The following ATP8B4 variants were observed in gnomAD, a reference collection of about 807,000 sequenced individuals.
ATP8B4 encodes probable phospholipid-transporting ATPase IM.
In ATP8B4, 133 loss-of-function variants were observed where a neutral mutation model predicts 145.6. The ratio of observed to expected loss-of-function variants is 0.91; its 90% CI spans 0.79 to 1.05. The LOEUF (loss-of-function observed/expected upper bound fraction) is 1.05, where lower values mean the gene tolerates loss of function less well. Ranked by LOEUF, ATP8B4 falls within the 50% of genes least tolerant of loss-of-function variation. The pLI, the probability that ATP8B4 is intolerant of heterozygous loss-of-function variation, is 0.00. For missense variants in ATP8B4, 1,458 were observed against 1,425.2 expected (o/e 1.02, Z -0.37); for synonymous variants, 507 against 492.9 (o/e 1.03, Z -0.38).
rs186976377 is a variant in ATP8B4, at chr15:50,105,742, C to T, written c.28+1197G>A. On this transcript the variant is annotated intron_variant, in intron 2 of 27. Coordinates refer to ENST00000284509, the MANE Select transcript of ATP8B4 (RefSeq NM_024837.4). ...TATTTCCAAAAATTTCCTACTTTTA[C>T]ATATATGCATTAATATATACATATA... Among the ~76,000 whole-genome samples the T allele has an allele frequency of 7.2e-5, 11 of 152,254 alleles. No homozygotes were observed. The East Asian group carries it at 1.9e-3, about 27-fold the overall frequency.
chr15:50,158,454 C>T (rs375212406), intron 1 of ATP8B4, among the ~76,000 whole-genome samples: 2 of 151,300 alleles, frequency 1.3e-5, no homozygotes, highest in Non-Finnish European at 3.0e-5. Context: ...CAGACCCCGC[C>T]CGGCCAGCCG....
chr15:50,158,498 G>A lies in ATP8B4; in HGVS notation c.-43+23763C>T, dbSNP rs1178704371. 7.4e-5 allele frequency among the ~76,000 whole-genome samples: 11 copies of A among 148,760 alleles called. No individual in the cohort carries two copies. The East Asian group carries it at 1.2e-3, about 17-fold the overall frequency. The stretch of plus-strand genomic sequence containing the variant: ...GGGAGGGAGGTGGGGGGGCGCCTCC[G>A]CCCGGCCAGCCGCCCAGTCCGGGAG... On this transcript the variant is annotated intron_variant, in intron 1 of 3. Coordinates refer to the ATP8B4 transcript ENST00000558829.
intron 3 of ATP8B4, among the ~76,000 whole-genome samples, chr15:50,055,966 C>A (rs1167324097): frequency 1.3e-5 from 2 of 152,116 alleles, no homozygotes; most frequent in African/African-American, 4.8e-5. Flanking sequence ...TTGCCTGGTG[C>A]AGAGTCCACA....
intron 13 of ATP8B4, among the ~76,000 whole-genome samples, chr15:49,972,218 C>T (rs1419093049): frequency 6.6e-6 from 1 of 152,010 alleles, no homozygotes; most frequent in Non-Finnish European, 1.5e-5. Flanking sequence ...ACATGTATAC[C>T]TATGTAACAA....
intron 26 of ATP8B4, among the ~76,000 whole-genome samples, chr15:49,865,641 C>G (rs1209299303): frequency 6.6e-6 from 1 of 152,210 alleles, no homozygotes; most frequent in African/African-American, 2.4e-5. Flanking sequence ...GCAGAAACAC[C>G]TCATTGGTTG....
chr15:49,970,352 T>A (rs1355395731), intron 13 of ATP8B4, among the ~76,000 whole-genome samples: 1 of 152,208 alleles, frequency 6.6e-6, no homozygotes, highest in African/African-American at 2.4e-5. Flanking sequence ...GCAGATGACA[T>A]GATTGCATAT....
chr15:49,940,670 C>T (rs1320628879), intron 14 of ATP8B4, among the ~76,000 whole-genome samples: 8 of 151,946 alleles, frequency 5.3e-5, no homozygotes, highest in East Asian at 1.9e-4. Flanking sequence ...TTCATGTGGC[C>T]GAAAATGAAT....
At chr15:50,177,765 A>G (rs1290546246) in intron 1 of ATP8B4, among the ~76,000 whole-genome samples, 1 of 152,230 alleles carries the variant, frequency 6.6e-6, no homozygotes, top group Non-Finnish European at 1.5e-5. Flanking sequence ...AGAGATGTGA[A>G]TTCTTTGAAT....
intron 6 of ATP8B4, among the ~76,000 whole-genome samples, chr15:50,023,499 T>G (rs1477461400): frequency 6.6e-6 from 1 of 152,216 alleles, no homozygotes; most frequent in African/African-American, 2.4e-5. Context: ...TTTAGGCATC[T>G]ATTACTCTAA....
chr15:50,093,984 A>G (rs954575556), intron 2 of ATP8B4, among the ~76,000 whole-genome samples: 2 of 152,182 alleles, frequency 1.3e-5, no homozygotes, highest in Non-Finnish European at 2.9e-5. Context: ...CAAAATATGT[A>G]AAGAAAAACC....
intron 1 of ATP8B4, among the ~76,000 whole-genome samples, chr15:50,151,026 G>T (rs1056130153): frequency 1.3e-5 from 2 of 152,150 alleles, no homozygotes; most frequent in African/African-American, 4.8e-5. Flanking sequence ...TCTGTCTGTG[G>T]CATCAGGTGG....
At chr15:50,178,695 T>C (rs1047827765) in intron 1 of ATP8B4, among the ~76,000 whole-genome samples, 2 of 152,182 alleles carry the variant, frequency 1.3e-5, no homozygotes, top group Non-Finnish European at 2.9e-5. Context: ...TGGTGTAACA[T>C]TGTCTTCGTC....
Position 50,114,824 on chromosome 15 carries a change from A to AT in ATP8B4, c.-43+4298dup, listed in dbSNP as rs546055952. On this transcript the variant is annotated intron_variant, in intron 1 of 27. Coordinates refer to ENST00000284509, the MANE Select transcript of ATP8B4 (RefSeq NM_024837.4). The stretch of plus-strand genomic sequence containing the variant: ...ATTATTTTTATTTTTCTTAAAATGT[A>AT]TTTTTTTAACTCTCCACATGGAAAA... Among the ~76,000 whole-genome samples the AT allele has an allele frequency of 3.3e-4, 51 of 152,320 alleles. No homozygotes were observed. The East Asian group carries it at 8.3e-3, about 25-fold the overall frequency.
intron 7 of ATP8B4, among the ~76,000 whole-genome samples, chr15:50,005,597 A>T (rs1398041493): frequency 6.6e-6 from 1 of 152,134 alleles, no homozygotes; most frequent in Non-Finnish European, 1.5e-5. Flanking sequence ...TGTAAAGCCC[A>T]TGGCCCTTCC....
intron 3 of ATP8B4, among the ~76,000 whole-genome samples, chr15:50,048,429 C>T (rs1471932698): frequency 6.6e-6 from 1 of 151,336 alleles, no homozygotes; most frequent in African/African-American, 2.4e-5. Flanking sequence ...CAAAGGGGGC[C>T]AAGCACAGTG....
chr15:50,019,031 T>C, intron 6 of ATP8B4: 1 of 867,268 alleles, frequency 1.2e-6, no homozygotes, highest in Non-Finnish European at 1.6e-6. Flanking sequence ...GAATGACAAA[T>C]CTTGATCGGT....
intron 21 of ATP8B4, among the ~76,000 whole-genome samples, chr15:49,898,580 T>C (rs764638919): frequency 6.6e-6 from 1 of 152,224 alleles, no homozygotes; most frequent in South Asian, 2.1e-4. Context: ...TTAAAATTGA[T>C]GAAAACAAAA....
chr15:49,874,499 G>A (rs1428625925), intron 25 of ATP8B4, among the ~76,000 whole-genome samples: 1 of 152,202 alleles, frequency 6.6e-6, no homozygotes, highest in Non-Finnish European at 1.5e-5. Flanking sequence ...TGAGGAGATG[G>A]AAGGCAGAGA....
chr15:50,174,531 G>A (rs57453862), intron 1 of ATP8B4, among the ~76,000 whole-genome samples: 13,200 of 144,534 alleles, frequency 0.091, 800 homozygotes, highest in African/African-American at 0.16. Flanking sequence ...TCAAGCACTC[G>A]ATCCCTTTTA....
Sources: allele counts gnomAD v4.1 joint callset (sites outside exome capture counted in the v4.1 genomes callset), GRCh38; gene constraint gnomAD v4.1.1; transcripts MANE v1.5; gene names NCBI Gene and HGNC (gene_info 2026-07-23, HGNC 2026-07-21).